Variants in GRIK4 observed in about 807,000 individuals in gnomAD.
GRIK4 encodes the protein glutamate receptor ionotropic, kainate 4.
A neutral mutation model predicts 104.9 loss-of-function variants in GRIK4; 40 were observed. The ratio of observed to expected loss-of-function variants is 0.38; its 90% CI spans 0.30 to 0.50. The LOEUF (loss-of-function observed/expected upper bound fraction) is 0.50, where lower values mean the gene tolerates loss of function less well. Ranked by LOEUF, GRIK4 falls within the 20% of genes least tolerant of loss-of-function variation. GRIK4 has a pLI of 0.93. For missense variants in GRIK4, 1,047 were observed against 1,308.1 expected, an observed-to-expected ratio of 0.80 and a Z score of 3.08; for synonymous variants, 485 against 524.9, an observed-to-expected ratio of 0.92 and a Z score of 1.04.
intron 8 of GRIK4, among the ~76,000 whole-genome samples, chr11:120,841,688 C>T (rs987143932): frequency 4.6e-5 from 7 of 152,082 alleles, no homozygotes; most frequent in Non-Finnish European, 5.9e-5. Flanking sequence ...GAGAAACCAC[C>T]GAACATTTTC....
At chr11:120,686,183 C>T (rs116679952) in intron 3 of GRIK4, among the ~76,000 whole-genome samples, 1 of 152,168 alleles carries the variant, frequency 6.6e-6, no homozygotes, top group Non-Finnish European at 1.5e-5. Context: ...CATGATACAT[C>T]CATCAATCTG....
chr11:120,704,901 C>G (rs978689330), intron 3 of GRIK4, among the ~76,000 whole-genome samples: 23 of 152,140 alleles, frequency 1.5e-4, no homozygotes, highest in African/African-American at 5.6e-4. Context: ...TTTACAAAAA[C>G]AGGTGGCATG....
chr11:120,636,626 G>T (rs1949399939), intron 1 of GRIK4, among the ~76,000 whole-genome samples: 1 of 152,146 alleles, frequency 6.6e-6, no homozygotes, highest in South Asian at 2.1e-4. Flanking sequence ...TGGATCATGA[G>T]ATCAGGAGGT....
rs547903655 is a variant in GRIK4 at position 120,629,190 on chromosome 11, T to C, written c.-158-24495T>C. On this transcript the variant is annotated intron_variant, in intron 1 of 20. Coordinates refer to ENST00000527524, the MANE Select transcript of GRIK4 (RefSeq NM_014619.5). ...GTGGGGAAGGTGGAGGGAAGCATAATTGAGAACAAAACTGGTATAGGGCAG... is the reference window on the plus strand; with the variant it reads ...GTGGGGAAGGTGGAGGGAAGCATAACTGAGAACAAAACTGGTATAGGGCAG... Among the ~76,000 whole-genome samples the C allele has an allele frequency of 1.3e-4, 20 of 152,226 alleles. No homozygotes were observed. The South Asian group carries it at 3.1e-3, about 24-fold the overall frequency.
chr11:120,965,383 C>T (rs1944364855), intron 18 of GRIK4, among the ~76,000 whole-genome samples: 1 of 152,234 alleles, frequency 6.6e-6, no homozygotes, highest in African/African-American at 2.4e-5. Context: ...TGTTAGACAA[C>T]TCGTTCATGT....
intron 9 of GRIK4, among the ~76,000 whole-genome samples, chr11:120,864,218 T>C (rs1300934964): frequency 1.4e-5 from 2 of 146,608 alleles, no homozygotes; most frequent in African/African-American, 5.0e-5. Flanking sequence ...TATTTATTTA[T>C]TTATTTATTT....
At chr11:120,735,192 A>T (rs1951199306) in intron 3 of GRIK4, among the ~76,000 whole-genome samples, 1 of 152,046 alleles carries the variant, frequency 6.6e-6, no homozygotes, top group Non-Finnish European at 1.5e-5. Flanking sequence ...CACAATTTGG[A>T]CTTCGCAATC....
intron 3 of GRIK4, among the ~76,000 whole-genome samples, chr11:120,775,770 A>G (rs1413491660): frequency 6.6e-6 from 1 of 152,270 alleles, no homozygotes; most frequent in Non-Finnish European, 1.5e-5. Context: ...GGTTCAGACC[A>G]ATCAAATAAC....
chr11:120,523,071 C>T (rs946151632), intron 1 of GRIK4, among the ~76,000 whole-genome samples: 1 of 151,088 alleles, frequency 6.6e-6, no homozygotes, highest in East Asian at 1.9e-4. Flanking sequence ...TTCTCCACTG[C>T]TCCTAGGAGG....
chr11:120,960,719 G>A, intron 16 of GRIK4, among the ~76,000 whole-genome samples, 190 bp from the exon 17 acceptor site: 1 of 152,194 alleles, frequency 6.6e-6, no homozygotes, highest in East Asian at 1.9e-4. Context: ...CTTCCAGGCA[G>A]TGCTCACAAA....
intron 1 of GRIK4, among the ~76,000 whole-genome samples, chr11:120,515,747 G>A (rs894360377): frequency 6.6e-6 from 1 of 152,268 alleles, no homozygotes; most frequent in South Asian, 2.1e-4. Context: ...TGATTATAAC[G>A]TTCTGTTACA....
chr11:120,756,927 C>T (rs1951664532), intron 3 of GRIK4, among the ~76,000 whole-genome samples: 1 of 152,214 alleles, frequency 6.6e-6, no homozygotes, highest in African/African-American at 2.4e-5. Context: ...GCCCAGCTTG[C>T]CTCCTGCCTG....
At position 120,903,149 on chromosome 11, in the gene GRIK4, G is replaced by A. The variant is rs990800121; in HGVS notation, c.1273-2141G>A. Among the ~76,000 whole-genome samples the A allele has an allele frequency of 6.6e-6, 1 of 152,042 alleles. No individual in the cohort carries two copies. Among genetic ancestry groups the A allele is most frequent in the Non-Finnish European group, 1.5e-5 (1 of 68,016 alleles). On this transcript the variant is annotated intron_variant, in intron 12 of 20. Coordinates refer to ENST00000527524, the MANE Select transcript of GRIK4 (RefSeq NM_014619.5). The surrounding 1 kb of genome is among the most constrained non-coding windows in gnomAD (Gnocchi z 4.4). ...CTCTGGGCTCCTAGAATCGTGATGTGCAGGTTTCTCCATGCACACCTGTAC... is the reference window on the plus strand; with the variant it reads ...CTCTGGGCTCCTAGAATCGTGATGTACAGGTTTCTCCATGCACACCTGTAC...
intron 13 of GRIK4, among the ~76,000 whole-genome samples, chr11:120,928,911 T>C (rs1245340416): frequency 5.3e-5 from 8 of 152,074 alleles, no homozygotes; most frequent in Non-Finnish European, 5.9e-5. Flanking sequence ...CCTGGCCCAG[T>C]GAGCAGGGAT....
intron 3 of GRIK4, among the ~76,000 whole-genome samples, chr11:120,788,783 T>TC (rs1235305521): frequency 2.6e-5 from 4 of 151,074 alleles, no homozygotes; most frequent in African/African-American, 9.8e-5. Flanking sequence ...AGGTTGTGCT[T>TC]CCCCCCACCG....
chr11:120,579,187 A>G (rs1948529584), intron 1 of GRIK4, among the ~76,000 whole-genome samples: 1 of 152,004 alleles, frequency 6.6e-6, no homozygotes, highest in Admixed American at 6.6e-5. Context: ...CCAGCCATAA[A>G]CAAGGATGAT....
chr11:120,593,181 CAAA>C (rs563165078), intron 1 of GRIK4, among the ~76,000 whole-genome samples: 1 of 102,212 alleles, frequency 9.8e-6, no homozygotes, highest in East Asian at 3.1e-4. Flanking sequence ...GACTCTGTCT[CAAA>C]AAAAAAAAAA....
intron 1 of GRIK4, among the ~76,000 whole-genome samples, chr11:120,584,259 T>C (rs1948627536): frequency 6.6e-6 from 1 of 152,246 alleles, no homozygotes; most frequent in Non-Finnish European, 1.5e-5. Context: ...TTCAGTATTA[T>C]GTTGCCTGTG....
intron 3 of GRIK4, among the ~76,000 whole-genome samples, chr11:120,793,912 G>A (rs1218409456): frequency 1.3e-5 from 2 of 148,424 alleles, no homozygotes; most frequent in Admixed American, 6.7e-5. Context: ...GGGGCAGAGA[G>A]CCAGGCGGTG....
Sources: allele counts gnomAD v4.1 joint callset (sites outside exome capture counted in the v4.1 genomes callset), GRCh38; gene constraint gnomAD v4.1.1; non-coding constraint Gnocchi (gnomAD v3.1); transcripts MANE v1.5; gene names NCBI Gene and HGNC (gene_info 2026-07-23, HGNC 2026-07-21).